SPAG16: variants seen among roughly 807,000 people sequenced by gnomAD.
SPAG16 encodes the protein sperm-associated antigen 16 protein.
Under a neutral mutation model 80.4 loss-of-function variants are expected in SPAG16, and 86 were observed. The observed-to-expected ratio is 1.07, with a 90% CI of 0.90 to 1.28. SPAG16 has a LOEUF of 1.28. Ranked by LOEUF, SPAG16 falls within the 50% of genes most tolerant of loss-of-function variation. The pLI is 0.00. For synonymous variants in SPAG16, 294 were observed against 265.9 expected, an observed-to-expected ratio of 1.11 and a Z score of -1.03; for missense variants, 870 against 765.3, an observed-to-expected ratio of 1.14 and a Z score of -1.61.
At chr2:213,976,135 T>TATATACACACACACACACACAC (rs749957411) in intron 12 of SPAG16, among the ~76,000 whole-genome samples, 9 of 81,414 alleles carry the variant, frequency 1.1e-4, no homozygotes, top group Admixed American at 4.3e-4. Context: ...TATATATATA[T>TATATACACACACACACACACAC]ACACACACAC....
At chr2:213,726,708 T>C (rs1559413888) in intron 10 of SPAG16, among the ~76,000 whole-genome samples, 1 of 152,200 alleles carries the variant, frequency 6.6e-6, no homozygotes, top group Non-Finnish European at 1.5e-5. Context: ...AAAGTAAGTG[T>C]CTACTTGGTT....
At chr2:214,338,323 G>C (rs569639404) in intron 15 of SPAG16, among the ~76,000 whole-genome samples, 1 of 152,072 alleles carries the variant, frequency 6.6e-6, no homozygotes, top group African/African-American at 2.4e-5. Context: ...AGACCAGCCT[G>C]GCCAATATGG....
At chr2:213,529,391 A>G (rs984859514) in intron 10 of SPAG16, among the ~76,000 whole-genome samples, 6 of 152,118 alleles carry the variant, frequency 3.9e-5, no homozygotes, top group Admixed American at 6.6e-5. Context: ...TGAGCTATCA[A>G]TCTGATGTCA....
chr2:213,367,171 T>C (rs1362631558), intron 8 of SPAG16, among the ~76,000 whole-genome samples: 2 of 152,204 alleles, frequency 1.3e-5, no homozygotes, highest in African/African-American at 4.8e-5. Flanking sequence ...CCACATTTTC[T>C]TAATCCAGTC....
chr2:213,615,718 A>G (rs1227647002), intron 10 of SPAG16, among the ~76,000 whole-genome samples: 1 of 152,252 alleles, frequency 6.6e-6, no homozygotes, highest in African/African-American at 2.4e-5. Flanking sequence ...TGTGTTATTT[A>G]ACGTTAGATA....
intron 10 of SPAG16, among the ~76,000 whole-genome samples, chr2:213,744,010 A>G (rs2067701588): frequency 6.6e-6 from 1 of 152,158 alleles, no homozygotes; most frequent in Non-Finnish European, 1.5e-5. Flanking sequence ...TAGTGTGAGC[A>G]TCTCTTTTTC....
At chr2:214,198,813 G>T (rs1157375238) in intron 15 of SPAG16, among the ~76,000 whole-genome samples, 1 of 151,912 alleles carries the variant, frequency 6.6e-6, no homozygotes, top group African/African-American at 2.4e-5. Flanking sequence ...GAGTAATGTG[G>T]TGCCTTATTA....
intron 10 of SPAG16, among the ~76,000 whole-genome samples, chr2:213,602,927 A>G (rs1323840157): frequency 6.6e-6 from 1 of 152,204 alleles, no homozygotes; most frequent in Non-Finnish European, 1.5e-5. Context: ...TTATGGCTTT[A>G]TATATTGCAT....
intron 13 of SPAG16, among the ~76,000 whole-genome samples, chr2:214,037,066 A>G (rs931531228): frequency 2.0e-5 from 3 of 151,826 alleles, no homozygotes; most frequent in Admixed American, 1.3e-4. Flanking sequence ...TGATTTCTTT[A>G]TATATTCATG....
At chr2:213,657,513 A>T (rs2063264602) in intron 10 of SPAG16, among the ~76,000 whole-genome samples, 1 of 152,180 alleles carries the variant, frequency 6.6e-6, no homozygotes. Flanking sequence ...ATAAAGGATA[A>T]ATGATTTAGA....
chr2:213,968,129 TTCTC>T (rs996011404), intron 12 of SPAG16, among the ~76,000 whole-genome samples: 58 of 151,230 alleles, frequency 3.8e-4, no homozygotes, highest in African/African-American at 1.2e-3. Context: ...CCCTCTCTCT[TTCTC>T]TCTGTCTCTC....
At chr2:213,683,771 T>C (rs1341662664) in intron 10 of SPAG16, among the ~76,000 whole-genome samples, 1 of 152,222 alleles carries the variant, frequency 6.6e-6, no homozygotes, top group Non-Finnish European at 1.5e-5. Context: ...ATACATAATT[T>C]GGTAGATATT....
chr2:214,125,411 T>TA (rs1027090641), intron 14 of SPAG16, among the ~76,000 whole-genome samples: 30 of 151,760 alleles, frequency 2.0e-4, no homozygotes, highest in African/African-American at 7.2e-4. Flanking sequence ...CCTAAAATGG[T>TA]AAAAACAGAC....
chr2:213,865,610 T>A (rs960557490), intron 11 of SPAG16, among the ~76,000 whole-genome samples: 2 of 149,822 alleles, frequency 1.3e-5, no homozygotes, highest in Admixed American at 6.7e-5. Flanking sequence ...AAATTAATAA[T>A]GAGAATAGAA....
chr2:214,118,315 G>C (rs896264664), intron 14 of SPAG16, among the ~76,000 whole-genome samples: 16 of 152,068 alleles, frequency 1.1e-4, no homozygotes, highest in African/African-American at 3.6e-4. Context: ...ACAAAATAAT[G>C]ATGACAGGAA....
At chr2:214,209,430 C>A (rs1272621258) in intron 15 of SPAG16, among the ~76,000 whole-genome samples, 1 of 152,158 alleles carries the variant, frequency 6.6e-6, no homozygotes. Context: ...TAACAGCATG[C>A]ATCAATCGAG....
At chr2:214,042,172 A>G (rs73075036) in intron 13 of SPAG16, among the ~76,000 whole-genome samples, 6 of 150,316 alleles carry the variant, frequency 4.0e-5, no homozygotes, top group African/African-American at 7.3e-5. Context: ...TGCAACCTCT[A>G]TCTCCTGGGT....
chr2:213,695,526 G>A (rs2065122376), intron 10 of SPAG16, among the ~76,000 whole-genome samples: 1 of 152,152 alleles, frequency 6.6e-6, no homozygotes, highest in African/African-American at 2.4e-5. Context: ...TCCACTGAAA[G>A]GAGGTAATCA....
At chr2:214,006,120 C>G (rs1369081411) in intron 12 of SPAG16, among the ~76,000 whole-genome samples, 1 of 151,932 alleles carries the variant, frequency 6.6e-6, no homozygotes, top group East Asian at 1.9e-4. Flanking sequence ...ATTTTTTAAT[C>G]TTTTTTTCAT....
Sources: allele counts gnomAD v4.1 joint callset (sites outside exome capture counted in the v4.1 genomes callset), GRCh38; gene constraint gnomAD v4.1.1; transcripts MANE v1.5; gene names NCBI Gene and HGNC (gene_info 2026-07-23, HGNC 2026-07-21).